BRD1: variants seen among roughly 807,000 people sequenced by gnomAD.
The protein encoded by BRD1 is bromodomain-containing protein 1.
BRD1 carries 24 observed loss-of-function variants against 107.7 expected under a neutral mutation model. The observed-to-expected ratio is 0.22, with a 90% CI of 0.16 to 0.31. The LOEUF (loss-of-function observed/expected upper bound fraction) is 0.31, where lower values mean the gene tolerates loss of function less well. Ranked by LOEUF, BRD1 falls within the 10% of genes least tolerant of loss-of-function variation. BRD1 has a pLI of 1.00. For synonymous variants in BRD1, 744 were observed against 686.1 expected, an observed-to-expected ratio of 1.08 and a Z score of -1.32; for missense variants, 1,279 against 1,638.6, an observed-to-expected ratio of 0.78 and a Z score of 3.79.
intron 2 of BRD1, among the ~76,000 whole-genome samples, chr22:49,804,726 G>A (rs1341573135): frequency 6.6e-6 from 1 of 152,096 alleles, no homozygotes; most frequent in Non-Finnish European, 1.5e-5. Flanking sequence ...AGGTACATGC[G>A]TGTAGTCCCG....
At chr22:49,780,447 C>T (rs116225269) in intron 8 of BRD1, among the ~76,000 whole-genome samples, 2,923 of 152,290 alleles carry the variant, frequency 0.019, 84 homozygotes, top group African/African-American at 0.066. Context: ...CCAGCCCAAC[C>T]GAGACACCAC....
chr22:49,790,585 A>G (rs898864912), intron 7 of BRD1, among the ~76,000 whole-genome samples: 2 of 152,232 alleles, frequency 1.3e-5, no homozygotes, highest in African/African-American at 4.8e-5. Context: ...TGCAAGAACA[A>G]TTCCGCAATA....
Position 49,798,638 on chromosome 22 carries a change from C to A in BRD1, c.1705G>T (p.Val569Leu). ...AMELRLTPLT[V>L]LLRSVLDQLQ... The stretch of plus-strand genomic sequence containing the variant: ...TGGTCCAGCACTGAGCGCAGCAGCA[C>A]CGTCAGCGGGGTCAGCCGCAGCTCC... The change falls in exon 5 of 13, where the codon GTG (valine) becomes TTG (leucine). Residue 569 changes from valine to leucine, a missense_variant. Around this residue, in one of 7 missense-constraint regions of BRD1, gnomAD observed 406 missense variants for 519.4 expected, o/e 0.78. Coordinates refer to ENST00000404760, the MANE Select transcript of BRD1 (RefSeq NM_001304808.3). The A allele has an allele frequency of 6.2e-7, 1 of 1,613,628 alleles. No individual in the cohort carries two copies. The highest frequency in any genetic ancestry group is 8.5e-7 in the Non-Finnish European group (1 of 1,179,804).
At chr22:49,812,060 A>G (rs2059859583) in intron 2 of BRD1, among the ~76,000 whole-genome samples, 1 of 152,178 alleles carries the variant, frequency 6.6e-6, no homozygotes, top group East Asian at 1.9e-4. Context: ...GGCAGAAATA[A>G]AAGAACATGG....
chr22:49,823,071 G>C lies in BRD1; in HGVS notation c.1247C>G (p.Ser416Trp), dbSNP rs778784084. 1 of 1,614,202 alleles carries C rather than the reference G, an allele frequency of 6.2e-7. No individual in the cohort carries two copies. Among genetic ancestry groups the C allele is most frequent in the Admixed American group, 1.7e-5 (1 of 60,026 alleles). Residue 416 changes from serine (S) to tryptophan (W), a missense_variant, in exon 2 of 13, where the codon TCG becomes TGG. This residue lies in a region of BRD1 where 87 missense variants were observed against 77.1 expected (regional missense o/e 1.13). Transcript: ENST00000404760. ...GGATGTGGACCTGACCGTTTTAACCGAGCTCTCTTTTCGACAGACGCCATT... is the reference window on the plus strand; with the variant it reads ...GGATGTGGACCTGACCGTTTTAACCCAGCTCTCTTTTCGACAGACGCCATT... ...MKNGVCRKESSVKTVRSTSKV... is the reference protein window; with the variant it reads ...MKNGVCRKESWVKTVRSTSKV...
rs541698586 is a variant in BRD1, at chr22:49,776,674, G to T, written c.3121+360C>A. ...CCTGGGGCCTCCCCCTCCCCCAGGGGCCTGAAGTTGAGGGCACCCACCCTG... is the reference window on the plus strand; with the variant it reads ...CCTGGGGCCTCCCCCTCCCCCAGGGTCCTGAAGTTGAGGGCACCCACCCTG... On this transcript the variant is annotated intron_variant, in intron 10 of 12. Transcript: ENST00000404760. 7.4e-4 allele frequency among the ~76,000 whole-genome samples: 113 copies of T among 152,328 alleles called. No homozygotes were observed. In the South Asian group the frequency reaches 0.019, roughly 25 times the overall value.
At chr22:49,808,884 C>T (rs918571721) in intron 2 of BRD1, among the ~76,000 whole-genome samples, 1 of 152,074 alleles carries the variant, frequency 6.6e-6, no homozygotes, top group Non-Finnish European at 1.5e-5. Flanking sequence ...TTTTGGAAGC[C>T]GAGGCAGGCA....
In BRD1 at chr22:49,777,554, C is replaced by T. The variant is rs950225542; in HGVS notation, c.2993+124G>A. 3.1e-5 allele frequency: 43 copies of T among 1,384,022 alleles called. No individual in the cohort carries two copies. In the African/African-American group the frequency reaches 3.7e-4, roughly 12 times the overall value. 85.7% of individuals were successfully genotyped at this position (1,384,022 alleles called of 1,614,324 possible). A position where few individuals can be genotyped will look rare whatever the true frequency, so the allele number is the denominator to read the frequency against. On this transcript the variant is annotated intron_variant, in intron 9 of 12. Coordinates refer to ENST00000404760, the MANE Select transcript of BRD1 (RefSeq NM_001304808.3). ...CACAAGGGCAGAGCACACATGAATC[C>T]CAGGCCAGAATTTTTCAGAGAACAC...
intron 2 of BRD1, among the ~76,000 whole-genome samples, chr22:49,813,356 T>A (rs531738114): frequency 6.6e-6 from 1 of 151,988 alleles, no homozygotes; most frequent in East Asian, 2.0e-4. Flanking sequence ...CCCTAGTAGC[T>A]GGGACTACAG....
chr22:49,778,395 G>A (rs191119320), intron 8 of BRD1, among the ~76,000 whole-genome samples: 2 of 152,380 alleles, frequency 1.3e-5, no homozygotes, highest in East Asian at 1.9e-4. Flanking sequence ...GGCCATCGCC[G>A]TGTCTGAGTG....
rs764381420 is a variant in BRD1, at chr22:49,823,414, C to T, written c.904G>A (p.Gly302Ser). 3.1e-6 allele frequency: 5 copies of T among 1,612,634 alleles called. No individual in the cohort carries two copies. Among genetic ancestry groups the T allele is most frequent in the South Asian group, 1.1e-5 (1 of 91,088 alleles). The change falls in exon 2 of 13, where the codon GGC becomes AGC. Residue 302 changes from glycine (G) to serine (S), a missense_variant. Around this residue, in one of 7 missense-constraint regions of BRD1, gnomAD observed 158 missense variants for 310.2 expected, o/e 0.51. Coordinates refer to ENST00000404760, the MANE Select transcript of BRD1 (RefSeq NM_001304808.3). ...TCGATGAACACCGTGTTGGCAAAGC[C>T]GACCTCTGGGATCCACAGGGCACAC... ...VVCALWIPEVGFANTVFIEPI... is the reference protein window; with the variant it reads ...VVCALWIPEVSFANTVFIEPI...
chr22:49,790,824 G>C (rs1601644176), intron 7 of BRD1, among the ~76,000 whole-genome samples: 3 of 152,198 alleles, frequency 2.0e-5, no homozygotes, highest in African/African-American at 4.8e-5. Flanking sequence ...TTCCTTTCCT[G>C]AGGGCCACAG....
intron 12 of BRD1, among the ~76,000 whole-genome samples, chr22:49,774,777 C>T (rs1017823828): frequency 2.6e-5 from 4 of 152,240 alleles, no homozygotes; most frequent in African/African-American, 9.6e-5. Context: ...AAGGGGCCCT[C>T]GGATGGACAA....
Position 49,823,130 on chromosome 22 carries a change from C to T in BRD1, c.1188G>A (p.Arg396=), listed in dbSNP as rs751714929. ...CGACATCCCCGTAAATATTCAGAGGCCTCCGGGTGCAGCCTGGAGGCGTGT... is the reference window on the plus strand; with the variant it reads ...CGACATCCCCGTAAATATTCAGAGGTCTCCGGGTGCAGCCTGGAGGCGTGT... ...DVHTPPGCTR[R]PLNIYGDVEM... The change falls in exon 2 of 13, where the codon AGG becomes AGA. Residue 396 remains arginine, a synonymous_variant. Transcript: ENST00000404760. 1 of 1,614,230 alleles carries T rather than the reference C, an allele frequency of 6.2e-7. No homozygotes were observed. Among genetic ancestry groups the T allele is most frequent in the Non-Finnish European group, 8.5e-7 (1 of 1,180,038 alleles).
chr22:49,812,101 CTCCTTTT>C (rs2059860506), intron 2 of BRD1, among the ~76,000 whole-genome samples: 1 of 133,056 alleles, frequency 7.5e-6, no homozygotes, highest in African/African-American at 3.7e-5. Flanking sequence ...GCACAGTCTG[CTCCTTTT>C]TTTTTTTTTT....
rs764173321 is a variant in BRD1, at chr22:49,823,290, T to C, written c.1028A>G (p.Lys343Arg). 2.5e-6 allele frequency: 4 copies of C among 1,614,056 alleles called. No homozygotes were observed. The highest frequency in any genetic ancestry group is 4.5e-5 in the East Asian group (2 of 44,888). Reference protein sequence around the residue: ...KGVGACIQCHKANCYTAFHVT... With the variant: ...KGVGACIQCHRANCYTAFHVT... ...ATGGAATGCTGTGTAGCAGTTTGCT[T>C]TGTGGCACTGGATGCAGGCACCCAC... Residue 343 changes from lysine (K) to arginine (R), a missense_variant, in exon 2 of 13, where the codon AAA (lysine) becomes AGA (arginine). Around this residue, in one of 7 missense-constraint regions of BRD1, gnomAD observed 158 missense variants for 310.2 expected, o/e 0.51. Coordinates refer to ENST00000404760, the MANE Select transcript of BRD1 (RefSeq NM_001304808.3).
intron 7 of BRD1, 50 bp downstream of exon 7, chr22:49,793,978 TGCCTGA>T (rs1212353521): frequency 5.7e-6 from 9 of 1,566,432 alleles, no homozygotes; most frequent in African/African-American, 5.4e-5. Context: ...CCTGTGCCTG[TGCCTGA>T]GCCTGAGCCG....
At position 49,824,149 on chromosome 22, in the gene BRD1, G is replaced by A. The variant is rs1166698433; in HGVS notation, c.169C>T (p.Leu57=). The stretch of plus-strand genomic sequence containing the variant: ...AGGTCATCTTCCAATATGATCTCCA[G>A]GGGATCAAAAATACTGATCCTGTGC... ...RLHRISIFDP[L]EIILEDDLTA... Residue 57 remains leucine (L), a synonymous_variant, in exon 2 of 13, where the codon CTG becomes TTG. Transcript: ENST00000404760. The surrounding 1 kb of genome is among the most constrained non-coding windows in gnomAD (Gnocchi z 5.9). 6.2e-7 allele frequency: 1 copy of A among 1,613,886 alleles called. No individual in the cohort carries two copies. The highest frequency in any genetic ancestry group is 8.5e-7 in the Non-Finnish European group (1 of 1,180,054).
chr22:49,797,806 G>A lies in BRD1; in HGVS notation c.2097C>T (p.Asp699=), dbSNP rs146967250. The A allele has an allele frequency of 3.0e-5, 47 of 1,591,556 alleles. No individual in the cohort carries two copies. The East Asian group carries it at 3.8e-4, about 13-fold the overall frequency. The change falls in exon 6 of 13, where the codon GAC becomes GAT. Residue 699 remains aspartate (D), a splice_region_variant and synonymous_variant. Coordinates refer to ENST00000404760, the MANE Select transcript of BRD1 (RefSeq NM_001304808.3). ...AAPRRPFSWE[D]VDRLLDPANR... ...TCCGGACACGGCGCCAGTTCTTACCGTCTTCCCAGGAGAAAGGCCGCCGCG... is the reference window on the plus strand; with the variant it reads ...TCCGGACACGGCGCCAGTTCTTACCATCTTCCCAGGAGAAAGGCCGCCGCG...
Sources: allele counts gnomAD v4.1 joint callset (sites outside exome capture counted in the v4.1 genomes callset), GRCh38; gene constraint gnomAD v4.1.1; regional missense constraint gnomAD v4.1.1; non-coding constraint Gnocchi (gnomAD v3.1); transcripts MANE v1.5; gene names NCBI Gene and HGNC (gene_info 2026-07-23, HGNC 2026-07-21).